The following KCNQ1 variants were observed in gnomAD, a reference collection of about 807,000 sequenced individuals.
KCNQ1 encodes the protein potassium voltage-gated channel subfamily KQT member 1.
A neutral mutation model predicts 72.4 loss-of-function variants in KCNQ1; 49 were observed. That is an observed-to-expected ratio of 0.68 (90% CI 0.54 to 0.86). The LOEUF is 0.86. KCNQ1 is among the 40% of genes least tolerant of loss of function. The pLI is 0.00. For missense variants in KCNQ1, 790 were observed against 945.1 expected (o/e 0.84, Z 2.15); for synonymous variants, 450 against 412.6 (o/e 1.09, Z -1.10).
intron 7 of KCNQ1, among the ~76,000 whole-genome samples, chr11:2,584,561 TTG>T (rs1326081255): frequency 8.6e-6 from 1 of 116,318 alleles, no homozygotes; most frequent in Non-Finnish European, 1.6e-5. Flanking sequence ...TAGTGTGTAT[TTG>T]TGTGTGTTAG....
chr11:2,455,140 C>G (rs1846169038), intron 1 of KCNQ1, among the ~76,000 whole-genome samples: 1 of 151,540 alleles, frequency 6.6e-6, no homozygotes, highest in African/African-American at 2.4e-5. Flanking sequence ...CTCTGTCACC[C>G]AGGCTGGAGT....
chr11:2,739,481 A>G (rs1846013554), intron 11 of KCNQ1, among the ~76,000 whole-genome samples: 1 of 152,258 alleles, frequency 6.6e-6, no homozygotes, highest in Non-Finnish European at 1.5e-5. Context: ...TAGGTGGGCA[A>G]CATTTTTATT....
rs768535815 is a variant in KCNQ1 at position 2,752,662 on chromosome 11, G to C, written c.1515-16182G>C. Among the ~76,000 whole-genome samples the C allele has an allele frequency of 6.6e-6, 1 of 152,032 alleles. No individual in the cohort carries two copies. The highest frequency in any genetic ancestry group is 1.5e-5 in the Non-Finnish European group (1 of 68,022). ...CCTCAGGCCTCCTTTCCAAGGGCACGCATCCTCTTCCTGAAGGCTCTGCCC... is the reference window on the plus strand; with the variant it reads ...CCTCAGGCCTCCTTTCCAAGGGCACCCATCCTCTTCCTGAAGGCTCTGCCC... On this transcript the variant is annotated intron_variant, in intron 11 of 15. Transcript: ENST00000155840. This position sits in a 1 kb window ranked among gnomAD's most constrained non-coding sequence, Gnocchi z 5.2.
rs1361806876 is a variant in KCNQ1 at position 2,661,378 on chromosome 11, A to G, written c.1394-583A>G. 4 of 407,732 alleles carry G rather than the reference A, an allele frequency of 9.8e-6. No individual in the cohort carries two copies. Among genetic ancestry groups the G allele is most frequent in the Admixed American group, 4.0e-5 (1 of 24,732 alleles). The allele number at this position is 407,732 out of a possible 1,614,324, so 25.3% of individuals were successfully genotyped here. ...TGCAGAGGTGGGCCCAGGAATCATAATGTGAAGCCAGCTGTTGGAGGGACT... is the reference window on the plus strand; with the variant it reads ...TGCAGAGGTGGGCCCAGGAATCATAGTGTGAAGCCAGCTGTTGGAGGGACT... On this transcript the variant is annotated intron_variant, in intron 10 of 15. Coordinates refer to ENST00000155840, the MANE Select transcript of KCNQ1 (RefSeq NM_000218.3). This position sits in a 1 kb window ranked among gnomAD's most constrained non-coding sequence, Gnocchi z 5.9.
In KCNQ1 at chr11:2,494,899, G is replaced by A. The variant is rs1846885585; in HGVS notation, c.387-33029G>A. Among the ~76,000 whole-genome samples, 1 of 152,182 alleles carries A rather than the reference G, an allele frequency of 6.6e-6. No homozygotes were observed. Among genetic ancestry groups the A allele is most frequent in the Admixed American group, 6.5e-5 (1 of 15,278 alleles). ...CCCTCTTTTTCTACTGTTTGGAATA[G>A]TTTCAGAAGGAATGGTACCAGCTCC... On this transcript the variant is annotated intron_variant, in intron 1 of 15. Transcript: ENST00000155840. The surrounding 1 kb of genome is among the most constrained non-coding windows in gnomAD (Gnocchi z 4.6).
chr11:2,555,633 G>A (rs1205911362), intron 2 of KCNQ1, among the ~76,000 whole-genome samples: 1 of 152,240 alleles, frequency 6.6e-6, no homozygotes, highest in Non-Finnish European at 1.5e-5. Flanking sequence ...CCAAACTGTG[G>A]GGCTCAGCAG....
At position 2,827,622 on chromosome 11, in the gene KCNQ1, T is replaced by TA. The variant is rs59086609; in HGVS notation, c.1795-20134dup. On this transcript the variant is annotated intron_variant, in intron 15 of 15. Coordinates refer to ENST00000155840, the MANE Select transcript of KCNQ1 (RefSeq NM_000218.3). The surrounding 1 kb of genome is among the most constrained non-coding windows in gnomAD (Gnocchi z 6.7). ...CAGCTTAATTCAGGGTTCTGTTGAT[T>TA]AAAAAAAAAAAGTGGGGTCGGGGGG... 5.5e-4 allele frequency among the ~76,000 whole-genome samples: 26 copies of TA among 46,962 alleles called. No homozygotes were observed. Among genetic ancestry groups the TA allele is most frequent in the East Asian group, 3.6e-3 (3 of 834 alleles). 30.8% of individuals were successfully genotyped at this position (46,962 alleles called of 152,430 possible). A position where few individuals can be genotyped will look rare whatever the true frequency, so the allele number is the denominator to read the frequency against.
intron 11 of KCNQ1, among the ~76,000 whole-genome samples, chr11:2,732,285 C>T (rs1845870260): frequency 6.6e-6 from 1 of 152,200 alleles, no homozygotes; most frequent in Non-Finnish European, 1.5e-5. Flanking sequence ...TGGCATCCCC[C>T]AATATCCAAA....
rs191925264 is a variant in KCNQ1 at position 2,625,752 on chromosome 11, G to A, written c.1394-36209G>A. 2.8e-5 allele frequency: 11 copies of A among 397,648 alleles called. No individual in the cohort carries two copies. In the Admixed American group the frequency reaches 4.8e-4, roughly 18 times the overall value. 24.6% of individuals were successfully genotyped at this position (397,648 alleles called of 1,614,324 possible). On this transcript the variant is annotated intron_variant, in intron 10 of 15. Transcript: ENST00000155840. ...GCCTGGCTAATTTTTTGTATTTTTA[G>A]TAGAGACGGGGTTTCACCCTGTTAG...
Position 2,772,810 on chromosome 11 carries a change from T to TGGCC in KCNQ1, c.1591-3149_1591-3146dup. Among the ~76,000 whole-genome samples the TGGCC allele has an allele frequency of 6.6e-6, 1 of 152,182 alleles. No homozygotes were observed. Among genetic ancestry groups the TGGCC allele is most frequent in the East Asian group, 1.9e-4 (1 of 5,192 alleles). ...CACACCTACACCCACCTGGTCACAG[T>TGGCC]GGCCCAGAGACTCCTAGGGCTTGGT... is the stretch of plus-strand genomic sequence containing the variant. On this transcript the variant is annotated intron_variant, in intron 12 of 15. Transcript: ENST00000155840. The surrounding 1 kb of genome is among the most constrained non-coding windows in gnomAD (Gnocchi z 6.6).
At chr11:2,655,558 G>A in intron 10 of KCNQ1, 1 of 398,736 alleles carries the variant, frequency 2.5e-6, no homozygotes, top group East Asian at 3.6e-5. Flanking sequence ...AGTTCAGGCT[G>A]TGAAATACCC....
At chr11:2,496,329 C>T (rs571426630) in intron 1 of KCNQ1, among the ~76,000 whole-genome samples, 14 of 151,802 alleles carry the variant, frequency 9.2e-5, no homozygotes, top group East Asian at 1.9e-4. Context: ...CCCAGCTACT[C>T]GGCAGGCTGA....
Position 2,595,597 on chromosome 11 carries a change from C to T in KCNQ1, c.1393+6743C>T, listed in dbSNP as rs562624675. Among the ~76,000 whole-genome samples, 4 of 152,192 alleles carry T rather than the reference C, an allele frequency of 2.6e-5. No homozygotes were observed. The highest frequency in any genetic ancestry group is 2.6e-4 in the Admixed American group (4 of 15,280). On this transcript the variant is annotated intron_variant, in intron 10 of 15. Transcript: ENST00000155840. This position sits in a 1 kb window ranked among gnomAD's most constrained non-coding sequence, Gnocchi z 5.0. ...ACATGGTTTACTGAATATGTTGAGC[C>T]CATTTTCGAGACCTATTGCTCAGAC...
chr11:2,590,537 C>T (rs935064570), intron 10 of KCNQ1, among the ~76,000 whole-genome samples: 1 of 152,252 alleles, frequency 6.6e-6, no homozygotes. Context: ...CCCTCATCTT[C>T]CAGGTGGTGG....
At chr11:2,644,452 G>A (rs7108035) in intron 10 of KCNQ1, 356,514 of 398,248 alleles carry the variant, frequency 0.9, 159,838 homozygotes, top group East Asian at 0.99. Flanking sequence ...TATCTCTTGG[G>A]CAAATTTCTC....
At chr11:2,569,626 G>A (rs1199115521) in intron 2 of KCNQ1, among the ~76,000 whole-genome samples, 1 of 152,188 alleles carries the variant, frequency 6.6e-6, no homozygotes, top group Non-Finnish European at 1.5e-5. Context: ...GTGGGGGCTG[G>A]TTTCATCTTC....
chr11:2,461,587 T>G (rs1465428887), intron 1 of KCNQ1: 1 of 1,357,850 alleles, frequency 7.4e-7, no homozygotes, highest in East Asian at 4.5e-5. Flanking sequence ...CGGCTGCTTT[T>G]GTTTACGTGG....
chr11:2,629,649 G>A, intron 10 of KCNQ1: 1 of 398,428 alleles, frequency 2.5e-6, no homozygotes, highest in Non-Finnish European at 4.4e-6. Context: ...ATATATGAAA[G>A]GATTTATTTG....
At chr11:2,519,388 A>G (rs975602484) in intron 1 of KCNQ1, among the ~76,000 whole-genome samples, 4 of 152,250 alleles carry the variant, frequency 2.6e-5, no homozygotes, top group Admixed American at 1.3e-4. Flanking sequence ...ATGCAATTCC[A>G]TTAAGGATCT....
Sources: allele counts gnomAD v4.1 joint callset (sites outside exome capture counted in the v4.1 genomes callset), GRCh38; gene constraint gnomAD v4.1.1; non-coding constraint Gnocchi (gnomAD v3.1); transcripts MANE v1.5; gene names NCBI Gene and HGNC (gene_info 2026-07-23, HGNC 2026-07-21).